STAG1: variants seen among roughly 807,000 people sequenced by gnomAD.
The protein encoded by STAG1 is STAG1 cohesin complex component, also known as cohesin subunit SA-1.
STAG1 carries 26 observed loss-of-function variants against 170.9 expected under a neutral mutation model. The observed-to-expected ratio is 0.15, with a 90% CI of 0.11 to 0.21. The LOEUF (loss-of-function observed/expected upper bound fraction) is 0.21, where lower values mean the gene tolerates loss of function less well. Ranked by LOEUF, STAG1 falls within the 10% of genes least tolerant of loss-of-function variation. STAG1 has a pLI of 1.00. For missense variants in STAG1, 964 were observed against 1,509.5 expected, an observed-to-expected ratio of 0.64 and a Z score of 5.99; for synonymous variants, 514 against 497.7, an observed-to-expected ratio of 1.03 and a Z score of -0.44.
chr3:136,474,979 A>G (rs747309849), intron 10 of STAG1, among the ~76,000 whole-genome samples: 1 of 152,102 alleles, frequency 6.6e-6, no homozygotes, highest in East Asian at 1.9e-4. Context: ...GGGGTGAAAC[A>G]GCCCAGCCTC....
intron 1 of STAG1, among the ~76,000 whole-genome samples, chr3:136,727,004 T>A (rs1292909642): frequency 6.6e-6 from 1 of 152,180 alleles, no homozygotes; most frequent in Admixed American, 6.5e-5. Flanking sequence ...TCTGTACACA[T>A]CCTCAGCTTA....
chr3:136,597,243 G>A (rs1383114461), intron 4 of STAG1, among the ~76,000 whole-genome samples: 1 of 151,946 alleles, frequency 6.6e-6, no homozygotes, highest in Non-Finnish European at 1.5e-5. Flanking sequence ...TGTATCCAGA[G>A]GTTATATCTA....
chr3:136,560,020 T>C (rs1205693688), intron 5 of STAG1, among the ~76,000 whole-genome samples: 1 of 152,204 alleles, frequency 6.6e-6, no homozygotes, highest in Non-Finnish European at 1.5e-5. Flanking sequence ...ATGTTAGGTA[T>C]TTCTTTTGGC....
intron 1 of STAG1, among the ~76,000 whole-genome samples, chr3:136,656,732 G>A (rs1387876028): frequency 6.6e-6 from 1 of 151,744 alleles, no homozygotes; most frequent in Non-Finnish European, 1.5e-5. Flanking sequence ...CTTTGAATGA[G>A]TCAATTACTG....
chr3:136,367,656 A>AG, intron 24 of STAG1, among the ~76,000 whole-genome samples: 1 of 152,130 alleles, frequency 6.6e-6, no homozygotes, highest in Non-Finnish European at 1.5e-5. Context: ...CACAAGGAAA[A>AG]AGTTTTCTTT....
chr3:136,630,013 T>C (rs541601079), intron 2 of STAG1, among the ~76,000 whole-genome samples: 101 of 151,930 alleles, frequency 6.6e-4, no homozygotes, highest in African/African-American at 2.3e-3. Flanking sequence ...CTGGCCAACA[T>C]AGTGAAACCC....
chr3:136,717,785 T>TA (rs1384589157), intron 1 of STAG1, among the ~76,000 whole-genome samples: 1 of 152,226 alleles, frequency 6.6e-6, no homozygotes, highest in Non-Finnish European at 1.5e-5. Context: ...GTATGGAAAG[T>TA]AAAATTTAGA....
chr3:136,621,014 G>C (rs1939823328), intron 3 of STAG1, among the ~76,000 whole-genome samples: 1 of 152,122 alleles, frequency 6.6e-6, no homozygotes, highest in South Asian at 2.1e-4. Flanking sequence ...TGTAGTCCCA[G>C]CTACTCAGGA....
chr3:136,615,425 A>C (rs1012605337), intron 3 of STAG1, among the ~76,000 whole-genome samples: 1 of 32,902 alleles, frequency 3.0e-5, no homozygotes, highest in South Asian at 9.6e-4. Flanking sequence ...GACTTTGTCC[A>C]AAAAAAAAAA....
intron 22 of STAG1, among the ~76,000 whole-genome samples, chr3:136,379,371 C>G (rs934519635): frequency 6.6e-6 from 1 of 152,128 alleles, no homozygotes; most frequent in Non-Finnish European, 1.5e-5. Context: ...GAAAAATAAT[C>G]TAGCTACAGA....
intron 10 of STAG1, among the ~76,000 whole-genome samples, chr3:136,476,987 T>A (rs1378187614): frequency 6.6e-6 from 1 of 152,138 alleles, no homozygotes. Flanking sequence ...AAAAGAAATC[T>A]CCTTTGATTC....
intron 1 of STAG1, among the ~76,000 whole-genome samples, chr3:136,719,589 A>AGATGGGTGGATG (rs1438565702): frequency 7.3e-6 from 1 of 137,336 alleles, no homozygotes; most frequent in African/African-American, 2.7e-5. Context: ...ATAAGTGGGT[A>AGATGGGTGGATG]GATGGGTGGA....
chr3:136,619,829 G>T (rs988183853), intron 3 of STAG1, among the ~76,000 whole-genome samples: 2 of 151,690 alleles, frequency 1.3e-5, no homozygotes, highest in Non-Finnish European at 2.9e-5. Flanking sequence ...ACTTTGGGAG[G>T]CTGAGGTGGG....
chr3:136,448,512 T>C (rs371517174), intron 14 of STAG1, among the ~76,000 whole-genome samples: 2 of 152,100 alleles, frequency 1.3e-5, no homozygotes, highest in African/African-American at 2.4e-5. Flanking sequence ...ATGAGAACCA[T>C]GTAAGAAAAA....
intron 1 of STAG1, among the ~76,000 whole-genome samples, chr3:136,742,273 G>A (rs1034689617): frequency 6.6e-6 from 1 of 152,014 alleles, no homozygotes; most frequent in Non-Finnish European, 1.5e-5. Flanking sequence ...AAGTATAAAA[G>A]ATACATTAAC....
At chr3:136,731,975 T>C (rs1934067949) in intron 1 of STAG1, among the ~76,000 whole-genome samples, 1 of 152,064 alleles carries the variant, frequency 6.6e-6, no homozygotes, top group Admixed American at 6.6e-5. Flanking sequence ...AATCAAAAAC[T>C]GCATTACCTG....
intron 1 of STAG1, among the ~76,000 whole-genome samples, chr3:136,690,887 C>T (rs1203499511): frequency 1.3e-5 from 2 of 150,548 alleles, no homozygotes; most frequent in Admixed American, 1.3e-4. Context: ...TGGGATAGTT[C>T]TCGAATGGGG....
intron 20 of STAG1, among the ~76,000 whole-genome samples, chr3:136,419,408 G>A (rs893793898): frequency 2.6e-5 from 4 of 151,964 alleles, no homozygotes; most frequent in Non-Finnish European, 5.9e-5. Context: ...TACAATGCAA[G>A]TGAAAATTAC....
chr3:136,523,782 G>A (rs1292785900), intron 6 of STAG1, among the ~76,000 whole-genome samples: 1 of 152,142 alleles, frequency 6.6e-6, no homozygotes, highest in Non-Finnish European at 1.5e-5. Context: ...TAAAGTATAA[G>A]GAAGGGATCC....
Sources: allele counts gnomAD v4.1 joint callset (sites outside exome capture counted in the v4.1 genomes callset), GRCh38; gene constraint gnomAD v4.1.1; transcripts MANE v1.5; gene names NCBI Gene and HGNC (gene_info 2026-07-23, HGNC 2026-07-21).